HNRNPUL1: variants seen among roughly 807,000 people sequenced by gnomAD.
The protein encoded by HNRNPUL1 is heterogeneous nuclear ribonucleoprotein U like 1, also known as heterogeneous nuclear ribonucleoprotein U-like protein 1.
In HNRNPUL1, 14 loss-of-function variants were observed where a neutral mutation model predicts 108.5. The observed-to-expected ratio is 0.13, with a 90% CI of 0.09 to 0.20. The LOEUF (loss-of-function observed/expected upper bound fraction) is 0.20, where lower values mean the gene tolerates loss of function less well. Among genes scored for constraint, HNRNPUL1 ranks in the 10% least tolerant of loss-of-function variants. The pLI is 1.00. For synonymous variants in HNRNPUL1, 422 were observed against 445.2 expected (o/e 0.95, Z 0.66); for missense variants, 804 against 1,168.3 (o/e 0.69, Z 4.55).
Position 41,264,705 on chromosome 19 carries a change from G to T in HNRNPUL1, c.202G>T (p.Gly68Trp). The T allele has an allele frequency of 1.3e-6, 2 of 1,540,174 alleles. No individual in the cohort carries two copies. Among genetic ancestry groups the T allele is most frequent in the South Asian group, 2.3e-5 (2 of 85,862 alleles). The change falls in exon 1 of 15, where the codon GGG becomes TGG. Residue 68 changes from glycine (G) to tryptophan (W), a missense_variant. Coordinates refer to ENST00000392006, the MANE Select transcript of HNRNPUL1 (RefSeq NM_007040.6). The stretch of plus-strand genomic sequence containing the variant: ...CATCAACGAGGAGGTCGAGACCGAG[G>T]GGGGCTCCGAGCTGGAGGGGACCGC... ...GHINEEVETEGGSELEGTAQP... is the reference protein window; with the variant it reads ...GHINEEVETEWGSELEGTAQP...
chr19:41,289,686 C>G (rs1220440511), intron 7 of HNRNPUL1, among the ~76,000 whole-genome samples: 1 of 150,976 alleles, frequency 6.6e-6, no homozygotes, highest in African/African-American at 2.4e-5. Context: ...CTAACTAACA[C>G]CAACAGTCAT....
intron 14 of HNRNPUL1, among the ~76,000 whole-genome samples, chr19:41,306,128 C>T (rs1489215954): frequency 6.6e-6 from 1 of 152,208 alleles, no homozygotes; most frequent in African/African-American, 2.4e-5. Flanking sequence ...AGTCCTCTTT[C>T]AGCACCATAG....
chr19:41,303,914 T>TCC, intron 12 of HNRNPUL1, 58 bp from the exon 13 acceptor site: 1 of 1,562,974 alleles, frequency 6.4e-7, no homozygotes, highest in Non-Finnish European at 8.7e-7. Flanking sequence ...ACAACCCAGT[T>TCC]CCCTGGGGTT....
At chr19:41,268,457 C>G (rs1429373842) in intron 2 of HNRNPUL1, 112 bp downstream of exon 2, 2 of 1,147,058 alleles carry the variant, frequency 1.7e-6, no homozygotes, top group East Asian at 5.1e-5. Context: ...TTTTCTTGGG[C>G]AGTTCATCTA....
At position 41,294,815 on chromosome 19, in the gene HNRNPUL1, C is replaced by T; in HGVS notation, c.1518+129C>T. 1 of 1,057,226 alleles carries T rather than the reference C, an allele frequency of 9.5e-7. No homozygotes were observed. 65.5% of individuals were successfully genotyped at this position (1,057,226 alleles called of 1,614,324 possible). On this transcript the variant is annotated intron_variant, in intron 10 of 14. Coordinates refer to ENST00000392006, the MANE Select transcript of HNRNPUL1 (RefSeq NM_007040.6). This position sits in a 1 kb window ranked among gnomAD's most constrained non-coding sequence, Gnocchi z 4.3. The stretch of plus-strand genomic sequence containing the variant: ...GGACTGCTGTGCTAGTCGGGGGGGT[C>T]AGACCTTGTCATACATGATGACATG...
chr19:41,305,067 A>C (rs926311513), intron 13 of HNRNPUL1, among the ~76,000 whole-genome samples: 8 of 152,158 alleles, frequency 5.3e-5, no homozygotes, highest in Non-Finnish European at 8.8e-5. Flanking sequence ...AATGGGTGGC[A>C]CTATAGCTCT....
intron 7 of HNRNPUL1, among the ~76,000 whole-genome samples, chr19:41,282,954 A>G (rs1476704551): frequency 2.0e-5 from 3 of 151,970 alleles, no homozygotes; most frequent in Non-Finnish European, 4.4e-5. Context: ...TCGGCCTCCC[A>G]AAGTGCTGGG....
intron 7 of HNRNPUL1, among the ~76,000 whole-genome samples, chr19:41,282,932 G>C (rs1599800102): frequency 1.3e-5 from 2 of 151,520 alleles, no homozygotes; most frequent in East Asian, 3.9e-4. Context: ...CTGACCTCGT[G>C]ATCCGCCCGC....
Position 41,292,339 on chromosome 19 carries a change from G to A in HNRNPUL1, c.1094G>A (p.Gly365Asp), listed in dbSNP as rs2036632434. ...AFRIQKEALG[G>D]QALYPHVLVK... The stretch of plus-strand genomic sequence containing the variant: ...CGAATCCAGAAGGAAGCCTTGGGGG[G>A]TCAGGCCCTCTATCCTCATGTCCTG... Residue 365 changes from glycine (G) to aspartate (D), a missense_variant, in exon 8 of 15, where the codon GGT becomes GAT. Physicochemically the swap from Gly to Asp is moderately conservative, Grantham distance 94. Around this residue, in one of 4 missense-constraint regions of HNRNPUL1, gnomAD observed 174 missense variants for 296.6 expected, o/e 0.59. Coordinates refer to ENST00000392006, the MANE Select transcript of HNRNPUL1 (RefSeq NM_007040.6). The surrounding 1 kb of genome is among the most constrained non-coding windows in gnomAD (Gnocchi z 4.1). The A allele has an allele frequency of 1.2e-6, 2 of 1,614,106 alleles. No individual in the cohort carries two copies. Among genetic ancestry groups the A allele is most frequent in the African/African-American group, 1.3e-5 (1 of 74,934 alleles).
intron 2 of HNRNPUL1, among the ~76,000 whole-genome samples, chr19:41,271,491 A>G (rs1349599866): frequency 6.6e-6 from 1 of 152,212 alleles, no homozygotes; most frequent in African/African-American, 2.4e-5. Flanking sequence ...TGCAGAAATG[A>G]GTAGATGTGA....
intron 2 of HNRNPUL1, among the ~76,000 whole-genome samples, chr19:41,269,817 G>T (rs1014257871): frequency 6.6e-6 from 1 of 151,994 alleles, no homozygotes; most frequent in African/African-American, 2.4e-5. Context: ...AAAACAGGCC[G>T]AGTGCGATGG....
chr19:41,282,332 A>G (rs1290622169), intron 7 of HNRNPUL1, among the ~76,000 whole-genome samples: 1 of 151,922 alleles, frequency 6.6e-6, no homozygotes, highest in Non-Finnish European at 1.5e-5. Context: ...GCAGGCATGC[A>G]CCACTACACC....
intron 4 of HNRNPUL1, 35 bp downstream of exon 4, chr19:41,274,090 A>C: frequency 6.4e-7 from 1 of 1,560,328 alleles, no homozygotes; most frequent in Non-Finnish European, 8.8e-7. Flanking sequence ...ATTCTGCCTT[A>C]CAGTCAGTAT....
At chr19:41,275,852 C>G (rs543459404) in intron 4 of HNRNPUL1, among the ~76,000 whole-genome samples, 1 of 152,286 alleles carries the variant, frequency 6.6e-6, no homozygotes, top group African/African-American at 2.4e-5. Context: ...CCTGTAATCC[C>G]AGCAGTTTGG....
At chr19:41,274,251 T>C (rs1382009328) in intron 4 of HNRNPUL1, among the ~76,000 whole-genome samples, 196 bp downstream of exon 4, 3 of 152,194 alleles carry the variant, frequency 2.0e-5, no homozygotes, top group African/African-American at 7.2e-5. Flanking sequence ...AGTGGGACCC[T>C]GGGCAAGTCA....
intron 5 of HNRNPUL1, chr19:41,276,614 T>C (rs905833871): frequency 9.2e-6 from 2 of 216,858 alleles, no homozygotes; most frequent in African/African-American, 4.6e-5. Context: ...GGAAGAAAAG[T>C]GATCTAGAAA....
chr19:41,264,598 G>C lies in HNRNPUL1; in HGVS notation c.95G>C (p.Arg32Pro). The C allele has an allele frequency of 1.3e-6, 2 of 1,576,338 alleles. No individual in the cohort carries two copies. The highest frequency in any genetic ancestry group is 1.7e-6 in the Non-Finnish European group (2 of 1,169,200). Residue 32 changes from arginine to proline, a missense_variant, in exon 1 of 15, where the codon CGG becomes CCG. Arg to Pro is a moderately radical substitution (Grantham distance 103). Transcript: ENST00000392006. Reference protein sequence around the residue: ...TRGLKAELAERLQAALEAEEP... With the variant: ...TRGLKAELAEPLQAALEAEEP... ...GGCCTCAAGGCCGAGCTTGCTGAGC[G>C]GCTGCAGGCGGCGTTGGAGGCCGAG...
At chr19:41,301,351 G>A (rs572770970) in intron 10 of HNRNPUL1, among the ~76,000 whole-genome samples, 185 bp from the exon 11 acceptor site, 22 of 152,316 alleles carry the variant, frequency 1.4e-4, no homozygotes, top group African/African-American at 4.8e-4. Context: ...ACTTACCTAA[G>A]TCAATTCATT....
intron 7 of HNRNPUL1, chr19:41,291,943 T>G: frequency 5.8e-6 from 2 of 343,370 alleles, no homozygotes; most frequent in African/African-American, 4.7e-5. Context: ...GCTGTGCCAC[T>G]GCACTCAGCC....
Sources: gnomAD v4.1 joint callset for allele counts (sites outside exome capture counted in the v4.1 genomes callset) on GRCh38, gnomAD v4.1.1 for gene constraint, gnomAD v4.1.1 regional missense constraint, Gnocchi (gnomAD v3.1) non-coding constraint, MANE v1.5 for transcripts, NCBI Gene and HGNC (gene_info 2026-07-23, HGNC 2026-07-21) for gene names.